The following RNF130 variants were observed in gnomAD, a reference collection of about 807,000 sequenced individuals.
RNF130 encodes the protein ring finger protein 130.
RNF130 carries 21 observed loss-of-function variants against 44.6 expected under a neutral mutation model. The ratio of observed to expected loss-of-function variants is 0.47; its 90% CI spans 0.33 to 0.68. RNF130 has a LOEUF of 0.68. Among genes scored for constraint, RNF130 ranks in the 30% least tolerant of loss-of-function variants. The probability of loss-of-function intolerance (pLI) is 0.02; values close to 1 mark genes in which losing one functional copy is unlikely to be tolerated. For synonymous variants in RNF130, 214 were observed against 210.4 expected, an observed-to-expected ratio of 1.02 and a Z score of -0.15; for missense variants, 479 against 560.6, an observed-to-expected ratio of 0.85 and a Z score of 1.47.
chr5:179,963,605 G>A, intron 7 of RNF130, 41 bp from the exon 8 acceptor site: 2 of 1,404,398 alleles, frequency 1.4e-6, no homozygotes, highest in Non-Finnish European at 2.0e-6. Flanking sequence ...CTGGGGAGAA[G>A]GTTTAAGTCA....
At chr5:179,921,127 C>A (rs545846836) in intron 7 of RNF130, among the ~76,000 whole-genome samples, 1 of 152,204 alleles carries the variant, frequency 6.6e-6, no homozygotes, top group South Asian at 2.1e-4. Flanking sequence ...TGGGGTATAA[C>A]TGACATACAA....
At chr5:179,946,640 G>C (rs1273173646) in intron 7 of RNF130, among the ~76,000 whole-genome samples, 1 of 149,674 alleles carries the variant, frequency 6.7e-6, no homozygotes. Flanking sequence ...TGCAAGCTCC[G>C]CCTCCCGGGT....
intron 2 of RNF130, among the ~76,000 whole-genome samples, chr5:180,038,679 C>A (rs1457240078): frequency 2.6e-5 from 4 of 152,020 alleles, no homozygotes; most frequent in Non-Finnish European, 4.4e-5. Flanking sequence ...TTGATACAGG[C>A]TTCCCATCCT....
downstream of RNF130, among the ~76,000 whole-genome samples, chr5:179,950,869 C>A (rs895046658): frequency 6.6e-6 from 1 of 152,030 alleles, no homozygotes; most frequent in Non-Finnish European, 1.5e-5. Context: ...AATGAATCAC[C>A]GTTAAATAAG....
intron 3 of RNF130, among the ~76,000 whole-genome samples, chr5:179,996,376 A>G (rs1349411087): frequency 2.0e-5 from 3 of 152,220 alleles, no homozygotes; most frequent in African/African-American, 7.2e-5. Context: ...AAGTGGTGAA[A>G]GTGGGCATCC....
exon 8 of RNF130, chr5:179,912,766 G>T (rs1000625205): frequency 6.6e-6 from 1 of 152,252 alleles, no homozygotes; most frequent in Non-Finnish European, 1.5e-5. Flanking sequence ...TCTTGGTTCA[G>T]TACCTCCCAG....
chr5:180,071,412 G>A (rs1484315350), intron 1 of RNF130, 44 bp downstream of exon 1: 29 of 1,230,262 alleles, frequency 2.4e-5, no homozygotes, highest in Middle Eastern at 3.1e-4. Context: ...CCGCCTACGC[G>A]GGATGCAGCG....
At chr5:179,994,482 G>C (rs115065307) in intron 3 of RNF130, among the ~76,000 whole-genome samples, 2,586 of 152,230 alleles carry the variant, frequency 0.017, 87 homozygotes, top group African/African-American at 0.059. Context: ...ATTGTGAATG[G>C]GAGTTCTGGA....
At chr5:179,985,034 C>T (rs1444078405) in intron 3 of RNF130, among the ~76,000 whole-genome samples, 1 of 151,898 alleles carries the variant, frequency 6.6e-6, no homozygotes, top group Non-Finnish European at 1.5e-5. Flanking sequence ...GCCCCTTGAA[C>T]AACATGGAAA....
chr5:179,950,175 T>C (rs999471173), downstream of RNF130, among the ~76,000 whole-genome samples: 2 of 152,106 alleles, frequency 1.3e-5, no homozygotes, highest in African/African-American at 4.8e-5. Context: ...TGAAATGGCA[T>C]GATCTCAGCT....
chr5:180,040,406 G>A (rs1764381243), intron 2 of RNF130, 47 bp downstream of exon 2: 2 of 1,553,780 alleles, frequency 1.3e-6, no homozygotes, highest in Non-Finnish European at 1.8e-6. Context: ...ATAAAGCAAT[G>A]ATTTCTAAGA....
chr5:179,930,250 G>C (rs991412931), intron 7 of RNF130, among the ~76,000 whole-genome samples: 2 of 152,176 alleles, frequency 1.3e-5, no homozygotes, highest in South Asian at 2.1e-4. Flanking sequence ...TAGAGATGGG[G>C]TTTCACCACG....
chr5:179,921,851 T>C (rs769630535), intron 7 of RNF130, among the ~76,000 whole-genome samples: 1 of 148,126 alleles, frequency 6.8e-6, no homozygotes, highest in Non-Finnish European at 1.5e-5. Flanking sequence ...TGAAACCCCG[T>C]CTCTACTAAA....
chr5:179,921,341 A>G lies in RNF130; in HGVS notation c.1151-915T>C, dbSNP rs117439042. The stretch of plus-strand genomic sequence containing the variant: ...TTGCATCTTTCTAGAATTTTATATA[A>G]GTAGAATTGCATAGTATATATTGGC... On this transcript the variant is annotated intron_variant, in intron 7 of 7. Transcript: ENST00000522208. Among the ~76,000 whole-genome samples the G allele has an allele frequency of 1.8e-3, 269 of 152,376 alleles. 3 individuals are homozygous for G. In the East Asian group the frequency reaches 0.047, roughly 26 times the overall value.
chr5:179,972,674 C>T (rs964756203), intron 5 of RNF130, among the ~76,000 whole-genome samples: 22 of 152,110 alleles, frequency 1.4e-4, no homozygotes, highest in East Asian at 7.7e-4. Flanking sequence ...GATGGAGGTG[C>T]GGCTCTGGTG....
At position 179,946,029 on chromosome 5, in the gene RNF130, T is replaced by G. The variant is rs560640393; in HGVS notation, c.1150+20777A>C. Among the ~76,000 whole-genome samples, 10 of 152,356 alleles carry G rather than the reference T, an allele frequency of 6.6e-5. No individual in the cohort carries two copies. The South Asian group carries it at 1.5e-3, about 22-fold the overall frequency. On this transcript the variant is annotated intron_variant, in intron 7 of 7. Coordinates refer to the RNF130 transcript ENST00000522208. Reference sequence around the variant, plus strand: ...ATGACTGACGTTCCTTCAGCAAGTCTCAGTTCCCCTGTGCTTCCCATCAGC... The same window carrying G: ...ATGACTGACGTTCCTTCAGCAAGTCGCAGTTCCCCTGTGCTTCCCATCAGC...
intron 3 of RNF130, among the ~76,000 whole-genome samples, chr5:179,993,082 C>T (rs1384572960): frequency 6.6e-6 from 1 of 152,184 alleles, no homozygotes; most frequent in Non-Finnish European, 1.5e-5. Flanking sequence ...GCATAGTATT[C>T]CATGGTGTAT....
Position 179,968,508 on chromosome 5 carries a change from A to G in RNF130, c.946-1498T>C, listed in dbSNP as rs556640643. On this transcript the variant is annotated intron_variant, in intron 6 of 8. Transcript: ENST00000521389. ...TGGGGAAACCCCATCTCTACTAAAA[A>G]CACAAAAATTAGCCAGGTGTGGTGG... 8.0e-5 allele frequency among the ~76,000 whole-genome samples: 12 copies of G among 149,608 alleles called. No individual in the cohort carries two copies. In the South Asian group the frequency reaches 2.3e-3, roughly 29 times the overall value.
At chr5:179,985,050 A>C (rs1486731362) in intron 3 of RNF130, among the ~76,000 whole-genome samples, 2 of 150,564 alleles carry the variant, frequency 1.3e-5, no homozygotes, top group African/African-American at 4.9e-5. Flanking sequence ...GGAAACACCC[A>C]TTTCCATCAA....
Sources: gnomAD v4.1 joint callset for allele counts (sites outside exome capture counted in the v4.1 genomes callset) on GRCh38, gnomAD v4.1.1 for gene constraint, MANE v1.5 for transcripts, NCBI Gene and HGNC (gene_info 2026-07-23, HGNC 2026-07-21) for gene names.